The following PPP2R2D variants were observed in gnomAD, a reference collection of about 807,000 sequenced individuals.
PPP2R2D encodes the protein protein phosphatase 2 regulatory subunit Bdelta.
A neutral mutation model predicts 31.1 loss-of-function variants in PPP2R2D; 9 were observed. That is an observed-to-expected ratio of 0.29 (90% CI 0.17 to 0.51). The LOEUF (loss-of-function observed/expected upper bound fraction) is 0.51, where lower values mean the gene tolerates loss of function less well. PPP2R2D is among the 20% of genes least tolerant of loss of function. The probability of loss-of-function intolerance (pLI) is 0.98; values close to 1 mark genes in which losing one functional copy is unlikely to be tolerated. For missense variants in PPP2R2D, 391 were observed against 465.6 expected (o/e 0.84, Z 1.48); for synonymous variants, 179 against 172.6 (o/e 1.04, Z -0.29).
At chr10:131,964,351 A>C (rs1225226055), downstream of PPP2R2D, among the ~76,000 whole-genome samples, 1 of 150,190 alleles carries the variant, frequency 6.7e-6, no homozygotes, top group Non-Finnish European at 1.5e-5. Context: ...TTTGTTTTTG[A>C]GACAAATAAC....
intron 8 of PPP2R2D, among the ~76,000 whole-genome samples, chr10:131,948,751 G>A (rs1269905657): frequency 6.6e-6 from 1 of 152,196 alleles, no homozygotes; most frequent in African/African-American, 2.4e-5. Context: ...TCCCACACGA[G>A]GTGACTTGCT....
downstream of PPP2R2D, among the ~76,000 whole-genome samples, chr10:131,964,297 G>A (rs78041603): frequency 4.3e-3 from 649 of 152,062 alleles, 3 homozygotes; most frequent in African/African-American, 0.012. Flanking sequence ...CGAATCAGCA[G>A]TTATTGGTAT....
intron 2 of PPP2R2D, among the ~76,000 whole-genome samples, chr10:131,902,948 C>T (rs1357470028): frequency 5.9e-5 from 9 of 152,020 alleles, no homozygotes; most frequent in Non-Finnish European, 1.3e-4. Flanking sequence ...TAGGGGATTT[C>T]GCCATGTTGC....
chr10:131,902,359 C>G (rs901458363), intron 2 of PPP2R2D, among the ~76,000 whole-genome samples: 2 of 151,954 alleles, frequency 1.3e-5, no homozygotes, highest in Non-Finnish European at 2.9e-5. Flanking sequence ...TCCATCTCGG[C>G]CCCCCCAACC....
Position 131,959,384 on chromosome 10 carries a change from T to C in PPP2R2D, c.*3421T>C, listed in dbSNP as rs1352542678. 1 of 146,246 alleles carries C rather than the reference T, an allele frequency of 6.8e-6. No individual in the cohort carries two copies. The highest frequency in any genetic ancestry group is 2.6e-5 in the African/African-American group (1 of 38,712). 9.1% of individuals were successfully genotyped at this position (146,246 alleles called of 1,614,324 possible). ...CTGTGGAGATGAAGGCGTGTGCTGA[T>C]CCGCCATCCCACTGTGGAGATGAAG... On this transcript the variant is annotated 3_prime_UTR_variant, in exon 9 of 9. Transcript: ENST00000455566.
Position 131,901,323 on chromosome 10 carries a change from G to T in PPP2R2D, c.93G>T (p.Val31=), listed in dbSNP as rs1303613057. The part of the protein sequence containing the change: ...SQVKGAIDED[V]AEADIISTVE... ...TCAAGGGGGCCATCGACGAGGACGT[G>T]GCCGAAGGTGAGCCCCGCGCCGCGC... The change falls in exon 2 of 9, where the codon GTG becomes GTT. Residue 31 remains valine (V), a synonymous_variant. Coordinates refer to ENST00000455566, the MANE Select transcript of PPP2R2D (RefSeq NM_018461.5). The T allele has an allele frequency of 3.9e-5, 14 of 359,046 alleles. No homozygotes were observed. Among genetic ancestry groups the T allele is most frequent in the Non-Finnish European group, 7.0e-5 (14 of 200,510 alleles). 22.2% of individuals were successfully genotyped at this position (359,046 alleles called of 1,614,324 possible).
At chr10:131,917,092 C>G (rs1197404704) in intron 2 of PPP2R2D, among the ~76,000 whole-genome samples, 11 of 128,334 alleles carry the variant, frequency 8.6e-5, no homozygotes, top group African/African-American at 1.4e-4. Flanking sequence ...AGGGACCTCA[C>G]ACGGGTGGAA....
downstream of PPP2R2D, among the ~76,000 whole-genome samples, chr10:131,964,345 T>C (rs770093840): frequency 6.6e-6 from 1 of 151,978 alleles, no homozygotes; most frequent in Non-Finnish European, 1.5e-5. Flanking sequence ...TTTTGTTTTG[T>C]TTTTGAGACA....
chr10:131,924,764 A>G (rs2036069023), intron 2 of PPP2R2D, among the ~76,000 whole-genome samples: 1 of 150,096 alleles, frequency 6.7e-6, no homozygotes, highest in Non-Finnish European at 1.5e-5. Flanking sequence ...CACTTTGGAG[A>G]TACTTTCTTA....
Position 131,945,176 on chromosome 10 carries a change from A to G in PPP2R2D, c.656-119A>G, listed in dbSNP as rs1269584912. The G allele has an allele frequency of 5.0e-6, 6 of 1,191,146 alleles. No individual in the cohort carries two copies. Among genetic ancestry groups the G allele is most frequent in the Non-Finnish European group, 6.9e-6 (6 of 866,130 alleles). 73.8% of individuals were successfully genotyped at this position (1,191,146 alleles called of 1,614,324 possible). On this transcript the variant is annotated intron_variant, in intron 6 of 8. Transcript: ENST00000455566. The surrounding 1 kb of genome is among the most constrained non-coding windows in gnomAD (Gnocchi z 4.8). ...TCGGGATGTGTAACCAGCCTTCTTA[A>G]TAGCTAATCCCTTAAACCTCACTGC...
chr10:131,934,081 TA>T (rs1361100095), intron 2 of PPP2R2D, among the ~76,000 whole-genome samples: 2 of 152,218 alleles, frequency 1.3e-5, no homozygotes, highest in Non-Finnish European at 2.9e-5. Flanking sequence ...TAACATTAGG[TA>T]TGCATTATAA....
intron 2 of PPP2R2D, 72 bp downstream of exon 2, chr10:131,901,402 G>A: frequency 5.8e-6 from 2 of 345,036 alleles, no homozygotes; most frequent in Non-Finnish European, 1.0e-5. Flanking sequence ...GCGGCCTCCG[G>A]GCCCCAAGCG....
At chr10:131,941,842 G>T (rs1313210844) in intron 5 of PPP2R2D, among the ~76,000 whole-genome samples, 1 of 152,174 alleles carries the variant, frequency 6.6e-6, no homozygotes, top group Non-Finnish European at 1.5e-5. Context: ...TCACATCGAT[G>T]TTGTCACCGT....
intron 8 of PPP2R2D, among the ~76,000 whole-genome samples, chr10:131,951,375 A>G (rs1376179265): frequency 6.6e-6 from 1 of 152,270 alleles, no homozygotes; most frequent in Admixed American, 6.5e-5. Flanking sequence ...ATCATAACAT[A>G]TACTGAAAAG....
At chr10:131,920,407 G>A (rs2035960480) in intron 2 of PPP2R2D, among the ~76,000 whole-genome samples, 1 of 152,074 alleles carries the variant, frequency 6.6e-6, no homozygotes, top group East Asian at 1.9e-4. Context: ...ACACAGTGTA[G>A]GGACCTCACG....
downstream of PPP2R2D, among the ~76,000 whole-genome samples, chr10:131,961,830 G>T (rs1479920890): frequency 1.4e-5 from 2 of 140,582 alleles, no homozygotes; most frequent in Non-Finnish European, 3.2e-5. Flanking sequence ...TGTCCTCCAG[G>T]GTTTTTTTTT....
intron 3 of PPP2R2D, among the ~76,000 whole-genome samples, chr10:131,938,288 A>T (rs1358935608): frequency 6.6e-6 from 1 of 152,268 alleles, no homozygotes; most frequent in African/African-American, 2.4e-5. Flanking sequence ...CATATGTACT[A>T]AAGTGTTAAA....
At chr10:131,936,466 A>G (rs1159989848) in intron 3 of PPP2R2D, among the ~76,000 whole-genome samples, 3 of 152,164 alleles carry the variant, frequency 2.0e-5, no homozygotes, top group Non-Finnish European at 4.4e-5. Flanking sequence ...TTTTTTAACA[A>G]ATTGTTGAGT....
chr10:131,914,079 A>G (rs1420831662), intron 2 of PPP2R2D, among the ~76,000 whole-genome samples: 2 of 152,228 alleles, frequency 1.3e-5, no homozygotes, highest in Non-Finnish European at 2.9e-5. Context: ...TTTGCTGATA[A>G]TTAGCAACAT....
Sources: allele counts gnomAD v4.1 joint callset (sites outside exome capture counted in the v4.1 genomes callset), GRCh38; gene constraint gnomAD v4.1.1; non-coding constraint Gnocchi (gnomAD v3.1); transcripts MANE v1.5; gene names NCBI Gene and HGNC (gene_info 2026-07-23, HGNC 2026-07-21).